The following GSK3B variants were observed in gnomAD, a reference collection of about 807,000 sequenced individuals.
GSK3B encodes glycogen synthase kinase-3 beta.
In GSK3B, 15 loss-of-function variants were observed where a neutral mutation model predicts 56.4. The ratio of observed to expected loss-of-function variants is 0.27; its 90% CI spans 0.18 to 0.41. GSK3B has a LOEUF of 0.41. Ranked by LOEUF, GSK3B falls within the 10% of genes least tolerant of loss-of-function variation. The pLI is 1.00. For synonymous variants in GSK3B, 181 were observed against 188.9 expected, an observed-to-expected ratio of 0.96 and a Z score of 0.34; for missense variants, 300 against 513.4, an observed-to-expected ratio of 0.58 and a Z score of 4.02.
intron 3 of GSK3B, among the ~76,000 whole-genome samples, chr3:119,927,616 T>C (rs1458391212): frequency 2.0e-5 from 3 of 152,086 alleles, no homozygotes; most frequent in Non-Finnish European, 4.4e-5. Context: ...TTAATGAATC[T>C]CAGAACACTT....
At chr3:119,941,156 C>A (rs1308439628) in intron 3 of GSK3B, among the ~76,000 whole-genome samples, 4 of 151,908 alleles carry the variant, frequency 2.6e-5, no homozygotes, top group Non-Finnish European at 5.9e-5. Flanking sequence ...GCTGGGATTA[C>A]AGGCACTTGC....
chr3:120,090,403 A>C (rs758379268), intron 1 of GSK3B, among the ~76,000 whole-genome samples: 6 of 152,194 alleles, frequency 3.9e-5, no homozygotes, highest in Non-Finnish European at 7.4e-5. Context: ...CTGAATTTCA[A>C]GGGAACTTAT....
At chr3:119,928,707 T>C (rs540613075) in intron 3 of GSK3B, among the ~76,000 whole-genome samples, 4 of 147,944 alleles carry the variant, frequency 2.7e-5, no homozygotes, top group East Asian at 2.0e-4. Flanking sequence ...AGACAAACTA[T>C]ATAGCATAGT....
At chr3:119,984,872 C>A (rs1354089123) in intron 2 of GSK3B, among the ~76,000 whole-genome samples, 1 of 152,158 alleles carries the variant, frequency 6.6e-6, no homozygotes, top group Non-Finnish European at 1.5e-5. Flanking sequence ...CAAAACCTGG[C>A]AGAGACACAA....
chr3:119,848,940 C>A (rs910651495), intron 9 of GSK3B, among the ~76,000 whole-genome samples: 4 of 152,140 alleles, frequency 2.6e-5, no homozygotes, highest in Non-Finnish European at 5.9e-5. Context: ...CTAGGAGATA[C>A]TGTTTTCTCA....
chr3:119,936,491 C>T (rs6797459), intron 3 of GSK3B, among the ~76,000 whole-genome samples: 35,894 of 150,502 alleles, frequency 0.24, 4,813 homozygotes, highest in East Asian at 0.49. Context: ...GGATTACAGG[C>T]GCACACCACC....
chr3:120,013,519 T>C lies in GSK3B; in HGVS notation c.89-11280A>G, dbSNP rs1300770547. ...TTGCTGTGGAGAGTTAAGTCTGCAA[T>C]GACTGCCTCTATAAAAATTTTCCTT... On this transcript the variant is annotated intron_variant, in intron 1 of 10. Transcript: ENST00000264235. Among the ~76,000 whole-genome samples the C allele has an allele frequency of 2.0e-5, 3 of 152,298 alleles. No homozygotes were observed. In the East Asian group the frequency reaches 5.8e-4, roughly 29 times the overall value.
intron 2 of GSK3B, among the ~76,000 whole-genome samples, chr3:119,973,130 AT>A (rs1391368478): frequency 6.6e-6 from 1 of 152,170 alleles, no homozygotes; most frequent in Non-Finnish European, 1.5e-5. Flanking sequence ...ACATTTAATC[AT>A]TATATTAACC....
chr3:119,868,018 G>A (rs1302613073), intron 8 of GSK3B, among the ~76,000 whole-genome samples: 1 of 151,654 alleles, frequency 6.6e-6, no homozygotes, highest in East Asian at 1.9e-4. Flanking sequence ...GAAGTATGCA[G>A]CAAGGCCACA....
At chr3:119,980,037 T>TGGCTATATATGTGTTGTCTGTGC (rs1398924074) in intron 2 of GSK3B, among the ~76,000 whole-genome samples, 22 of 152,028 alleles carry the variant, frequency 1.4e-4, no homozygotes, top group Non-Finnish European at 2.9e-4. Context: ...GTTGTCTGTG[T>TGGCTATATATGTGTTGTCTGTGC]GGCTATATAT....
chr3:119,969,306 A>G (rs923079305), intron 2 of GSK3B, among the ~76,000 whole-genome samples: 4 of 151,726 alleles, frequency 2.6e-5, no homozygotes, highest in Non-Finnish European at 5.9e-5. Context: ...AAAAAAAAAA[A>G]TCTATATGAT....
At chr3:119,968,906 A>G (rs1231554617) in intron 2 of GSK3B, among the ~76,000 whole-genome samples, 1 of 152,266 alleles carries the variant, frequency 6.6e-6, no homozygotes, top group Non-Finnish European at 1.5e-5. Flanking sequence ...GTATTCTCAT[A>G]TATCAGGAAC....
chr3:119,929,722 G>A lies in GSK3B; in HGVS notation c.367-6239C>T, dbSNP rs562584551. 3.9e-5 allele frequency among the ~76,000 whole-genome samples: 6 copies of A among 152,076 alleles called. No homozygotes were observed. The South Asian group carries it at 1.0e-3, about 26-fold the overall frequency. ...GTTCGAGACCAGCCTGACCAACATG[G>A]AGAAATCCCGTCTCTACTAAAAATA... On this transcript the variant is annotated intron_variant, in intron 3 of 10. Coordinates refer to ENST00000264235, the MANE Select transcript of GSK3B (RefSeq NM_001146156.2).
intron 1 of GSK3B, among the ~76,000 whole-genome samples, chr3:120,022,275 G>A (rs1015355040): frequency 6.6e-6 from 1 of 152,168 alleles, no homozygotes; most frequent in African/African-American, 2.4e-5. Flanking sequence ...AACAATAAAG[G>A]ATGTTTTAAC....
At chr3:119,944,222 T>A (rs919986898) in intron 3 of GSK3B, among the ~76,000 whole-genome samples, 2 of 152,174 alleles carry the variant, frequency 1.3e-5, no homozygotes, top group Non-Finnish European at 2.9e-5. Context: ...CATGTTCTTA[T>A]CACTGATCTC....
intron 5 of GSK3B, among the ~76,000 whole-genome samples, chr3:119,913,314 G>C (rs2056752819): frequency 6.6e-6 from 1 of 151,846 alleles, no homozygotes; most frequent in South Asian, 2.1e-4. Context: ...TCCATATCTT[G>C]GTCAATTTAT....
At chr3:119,880,025 T>C (rs1225617859) in intron 7 of GSK3B, among the ~76,000 whole-genome samples, 1 of 152,154 alleles carries the variant, frequency 6.6e-6, no homozygotes, top group Non-Finnish European at 1.5e-5. Flanking sequence ...CTATTTTTAG[T>C]TTTTTTAGGA....
chr3:119,828,833 G>GTT (rs1475160392), intron 10 of GSK3B, among the ~76,000 whole-genome samples: 1 of 152,168 alleles, frequency 6.6e-6, no homozygotes, highest in Non-Finnish European at 1.5e-5. Flanking sequence ...GAATGATTAG[G>GTT]TTTAATTCAT....
intron 1 of GSK3B, chr3:120,028,769 T>A: frequency 6.4e-6 from 3 of 470,760 alleles, no homozygotes; most frequent in Non-Finnish European, 1.3e-5. Flanking sequence ...CAGAGAGAGG[T>A]TGGGGCAGCG....
Sources: allele counts gnomAD v4.1 joint callset (sites outside exome capture counted in the v4.1 genomes callset), GRCh38; gene constraint gnomAD v4.1.1; transcripts MANE v1.5; gene names NCBI Gene and HGNC (gene_info 2026-07-23, HGNC 2026-07-21).